IQGAP3: variants seen among roughly 807,000 people sequenced by gnomAD.
IQGAP3 encodes the protein ras GTPase-activating-like protein IQGAP3.
A neutral mutation model predicts 208.2 loss-of-function variants in IQGAP3; 165 were observed. The ratio of observed to expected loss-of-function variants is 0.79; its 90% CI spans 0.70 to 0.90. The LOEUF is 0.90. IQGAP3 is among the 40% of genes least tolerant of loss of function. The pLI is 0.00. For synonymous variants in IQGAP3, 703 were observed against 803.6 expected (o/e 0.87, Z 2.12); for missense variants, 1,811 against 2,043.1 (o/e 0.89, Z 2.19).
Position 156,534,627 on chromosome 1 carries a change from T to TG in IQGAP3, c.3613dup (p.Gln1205ProfsTer33), listed in dbSNP as rs770138291. Reference sequence around the variant, plus strand: ...AGCCACAGCCCCCAGGGCATGGCGCTGGGGGGCAGCCAGGGCTCCACCAGC... The same window carrying TG: ...AGCCACAGCCCCCAGGGCATGGCGCTGGGGGGGCAGCCAGGGCTCCACCAGC... On this transcript the variant is annotated frameshift_variant, in exon 29 of 38. Coordinates refer to ENST00000361170, the MANE Select transcript of IQGAP3 (RefSeq NM_178229.5). LOFTEE classifies it high-confidence loss of function. The TG allele has an allele frequency of 9.9e-6, 16 of 1,611,998 alleles. No homozygotes were observed. The highest frequency in any genetic ancestry group is 1.4e-5 in the Non-Finnish European group (16 of 1,179,660).
At chr1:156,532,833 G>A (rs1181485917) in intron 32 of IQGAP3, 147 bp downstream of exon 32, 2 of 749,994 alleles carry the variant, frequency 2.7e-6, no homozygotes, top group Non-Finnish European at 4.3e-6. Flanking sequence ...TGCAGCGAGG[G>A]GAATAAAGGT....
chr1:156,564,817 T>C, intron 4 of IQGAP3, 126 bp from the exon 5 acceptor site: 3 of 703,630 alleles, frequency 4.3e-6, no homozygotes, highest in Non-Finnish European at 7.8e-6. Flanking sequence ...TTACCTGGGG[T>C]GTCTAGGTCA....
chr1:156,555,329 C>A (rs1340957335), intron 12 of IQGAP3, among the ~76,000 whole-genome samples: 2 of 152,170 alleles, frequency 1.3e-5, no homozygotes, highest in African/African-American at 4.8e-5. Context: ...TTCAAGTGAT[C>A]TCTGAGCCTC....
At chr1:156,561,775 A>T in intron 10 of IQGAP3, 63 bp downstream of exon 10, 1 of 1,509,950 alleles carries the variant, frequency 6.6e-7, no homozygotes, top group Non-Finnish European at 9.1e-7. Flanking sequence ...ATCTTTGAGT[A>T]AGAGGCCCTC....
At chr1:156,550,809 T>C (rs1675513630) in intron 15 of IQGAP3, among the ~76,000 whole-genome samples, 2 of 152,184 alleles carry the variant, frequency 1.3e-5, no homozygotes, top group African/African-American at 4.8e-5. Flanking sequence ...CTCTTTCCTT[T>C]TCTTGCTCCA....
At chr1:156,559,548 T>C (rs1258686783) in intron 11 of IQGAP3, among the ~76,000 whole-genome samples, 1 of 152,108 alleles carries the variant, frequency 6.6e-6, no homozygotes, top group East Asian at 1.9e-4. Flanking sequence ...CCCCACACAA[T>C]GCTATGGCAG....
At chr1:156,561,755 A>G in intron 10 of IQGAP3, 83 bp downstream of exon 10, 3 of 1,366,336 alleles carry the variant, frequency 2.2e-6, no homozygotes, top group Non-Finnish European at 3.1e-6. Flanking sequence ...ACAAAGGACC[A>G]ACAGTGGTGA....
chr1:156,551,974 G>A lies in IQGAP3; in HGVS notation c.1570C>T (p.Arg524Trp), dbSNP rs779762890. 7 of 1,613,602 alleles carry A rather than the reference G, an allele frequency of 4.3e-6. No individual in the cohort carries two copies. The highest frequency in any genetic ancestry group is 2.7e-5 in the African/African-American group (2 of 75,028). Residue 524 changes from arginine (R) to tryptophan (W), a missense_variant and splice_region_variant, in exon 14 of 38, where the codon CGG (arginine) becomes TGG (tryptophan). Coordinates refer to ENST00000361170, the MANE Select transcript of IQGAP3 (RefSeq NM_178229.5). ...CCACCCAGCTCCAGACTATACTTAC[G>A]GTCAGTCTCTTCCTGGGTCTGTGCA... ...VNAQTQEETD[R>W]VLAVSLINEA...
At chr1:156,526,821 G>T (rs1050239997) in intron 37 of IQGAP3, among the ~76,000 whole-genome samples, 12 of 152,038 alleles carry the variant, frequency 7.9e-5, no homozygotes, top group African/African-American at 2.4e-4. Context: ...GCTTGAAATT[G>T]TTTTTCTTAT....
Position 156,526,587 on chromosome 1 carries a change from G to T in IQGAP3, c.4795C>A (p.Leu1599Ile). ...ATGACAGCCACACCCTCATACTGGA[G>T]CTGCAGGAGATCCTAGGAGGGAAGA... is the stretch of plus-strand genomic sequence containing the variant. ...FQLHYQDLLQ[L>I]QYEGVAVMKL... Residue 1599 changes from leucine to isoleucine, a missense_variant, in exon 38 of 38, where the codon CTC becomes ATC. Physicochemically the swap from Leu to Ile is conservative, Grantham distance 5. Transcript: ENST00000361170. 4 of 1,613,052 alleles carry T rather than the reference G, an allele frequency of 2.5e-6. No individual in the cohort carries two copies. Among genetic ancestry groups the T allele is most frequent in the South Asian group, 2.2e-5 (2 of 91,058 alleles).
intron 12 of IQGAP3, among the ~76,000 whole-genome samples, chr1:156,555,511 C>T (rs77837384): frequency 6.6e-5 from 10 of 152,156 alleles, no homozygotes; most frequent in African/African-American, 1.2e-4. Flanking sequence ...TAGGCATGAA[C>T]CCCCACACCC....
chr1:156,527,123 A>ACG (rs1557912661), intron 37 of IQGAP3, among the ~76,000 whole-genome samples: 6 of 150,816 alleles, frequency 4.0e-5, no homozygotes, highest in Non-Finnish European at 8.9e-5. Context: ...GAGCCACTGC[A>ACG]CCCGGCCAAA....
At position 156,556,577 on chromosome 1, in the gene IQGAP3, A is replaced by T. The variant is rs2102420702; in HGVS notation, c.1246T>A (p.Ser416Thr). Reference sequence around the variant, plus strand: ...ACTGCCAGCTCCAGCTGGTACATAGACGATGCAACAGGGTACACTGGAGGC... The same window carrying T: ...ACTGCCAGCTCCAGCTGGTACATAGTCGATGCAACAGGGTACACTGGAGGC... ...QLPPVYPVASSMYQLELAVLQ... is the reference protein window; with the variant it reads ...QLPPVYPVASTMYQLELAVLQ... Residue 416 changes from serine to threonine, a missense_variant, in exon 12 of 38, where the codon TCT becomes ACT. By Grantham distance (58) the Ser-to-Thr change is moderately conservative (BLOSUM62 1). Transcript: ENST00000361170. 4 of 1,613,642 alleles carry T rather than the reference A, an allele frequency of 2.5e-6. No individual in the cohort carries two copies. In the East Asian group the frequency reaches 8.9e-5, roughly 36 times the overall value.
chr1:156,531,295 G>A (rs1478413691), intron 32 of IQGAP3, 48 bp from the exon 33 acceptor site: 1 of 1,455,640 alleles, frequency 6.9e-7, no homozygotes, highest in South Asian at 1.1e-5. Context: ...GCAGGGGAAG[G>A]GCCTGGACAT....
At chr1:156,557,570 T>C (rs1286690507) in intron 11 of IQGAP3, among the ~76,000 whole-genome samples, 1 of 52,536 alleles carries the variant, frequency 1.9e-5, no homozygotes, top group Admixed American at 2.0e-4. Context: ...GGTGGGGGGG[T>C]CAGCCCCCCG....
Position 156,529,085 on chromosome 1 carries a change from G to C in IQGAP3, c.4405-3C>G. 5 of 1,613,904 alleles carry C rather than the reference G, an allele frequency of 3.1e-6. No homozygotes were observed. Among genetic ancestry groups the C allele is most frequent in the Non-Finnish European group, 4.2e-6 (5 of 1,179,804 alleles). ...TGTCTGTGCTGGTTGCGGATGTCCT[G>C]GGGTTGGGGAACAGATGGAGGGATG... On this transcript the variant is annotated splice_region_variant and splice_polypyrimidine_tract_variant and intron_variant, in intron 34 of 37. Transcript: ENST00000361170.
chr1:156,547,828 A>T (rs939336979), intron 19 of IQGAP3, among the ~76,000 whole-genome samples: 7 of 152,218 alleles, frequency 4.6e-5, no homozygotes, highest in African/African-American at 1.7e-4. Flanking sequence ...TTCAGATGAA[A>T]AGACTGAGGG....
chr1:156,570,468 G>A (rs1257349412), intron 1 of IQGAP3, among the ~76,000 whole-genome samples: 1 of 152,148 alleles, frequency 6.6e-6, no homozygotes, highest in East Asian at 1.9e-4. Flanking sequence ...CTAGGCTGCG[G>A]TTAGCCATGA....
chr1:156,533,789 G>A lies in IQGAP3; in HGVS notation c.3960C>T (p.Thr1320=), dbSNP rs751818681. ...GGCACGTACCAATAAGGTCAGGGAT[G>A]GTGGGCAGCTCCCCAAGATCCTCCA... is the stretch of plus-strand genomic sequence containing the variant. ...ELLEDLGELP[T]IPDLIGESIA... is the part of the protein sequence containing the mutation. The change falls in exon 31 of 38, where the codon ACC becomes ACT. Residue 1320 remains threonine (T), a synonymous_variant. Transcript: ENST00000361170. 6.2e-7 allele frequency: 1 copy of A among 1,613,598 alleles called. No homozygotes were observed. Among genetic ancestry groups the A allele is most frequent in the South Asian group, 1.1e-5 (1 of 90,992 alleles).
Sources: gnomAD v4.1 joint callset for allele counts (sites outside exome capture counted in the v4.1 genomes callset) on GRCh38, gnomAD v4.1.1 for gene constraint, MANE v1.5 for transcripts, NCBI Gene and HGNC (gene_info 2026-07-23, HGNC 2026-07-21) for gene names.